The following TOP2A variants were observed in gnomAD, a reference collection of about 807,000 sequenced individuals.
TOP2A encodes DNA topoisomerase II alpha, also known as DNA topoisomerase 2-alpha.
Under a neutral mutation model 187.2 loss-of-function variants are expected in TOP2A, and 68 were observed. That is an observed-to-expected ratio of 0.36 (90% CI 0.30 to 0.44). The LOEUF is 0.44. Ranked by LOEUF, TOP2A falls within the 20% of genes least tolerant of loss-of-function variation. The probability of loss-of-function intolerance (pLI) is 1.00; values close to 1 mark genes in which losing one functional copy is unlikely to be tolerated. For synonymous variants in TOP2A, 542 were observed against 593.2 expected, an observed-to-expected ratio of 0.91 and a Z score of 1.25; for missense variants, 1,196 against 1,808.7, an observed-to-expected ratio of 0.66 and a Z score of 6.14.
chr17:40,399,400 G>A, intron 24 of TOP2A: 1 of 416,270 alleles, frequency 2.4e-6, no homozygotes, highest in Non-Finnish European at 4.3e-6. Context: ...GAGTGCAGTG[G>A]CACTACCTAG....
chr17:40,396,051 C>T (rs909145421), intron 28 of TOP2A, among the ~76,000 whole-genome samples: 1 of 149,846 alleles, frequency 6.7e-6, no homozygotes, highest in Non-Finnish European at 1.5e-5. Context: ...GTGACCTTGG[C>T]TCACTGCAAC....
At position 40,411,015 on chromosome 17, in the gene TOP2A, C is replaced by A; in HGVS notation, c.1203+94G>T. The A allele has an allele frequency of 1.6e-6, 2 of 1,284,716 alleles. No homozygotes were observed. Among genetic ancestry groups the A allele is most frequent in the Non-Finnish European group, 1.0e-6 (1 of 960,488 alleles). The allele number at this position is 1,284,716 out of a possible 1,614,324, so 79.6% of individuals were successfully genotyped here. On this transcript the variant is annotated intron_variant, in intron 10 of 34. Transcript: ENST00000423485. This position sits in a 1 kb window ranked among gnomAD's most constrained non-coding sequence, Gnocchi z 4.4. The stretch of plus-strand genomic sequence containing the variant: ...CAGATTGGGAAGACTTGGAGAAGCT[C>A]ACTATGAGAAGAATCATTGTTTCTG...
intron 10 of TOP2A, chr17:40,409,742 T>C (rs1355200138): frequency 7.0e-5 from 13 of 186,162 alleles, no homozygotes; most frequent in African/African-American, 7.5e-5. Context: ...ATTACGTCAC[T>C]GCACTGTAGC....
At chr17:40,405,214 G>T (rs1359873894) in intron 16 of TOP2A, among the ~76,000 whole-genome samples, 1 of 149,418 alleles carries the variant, frequency 6.7e-6, no homozygotes, top group Non-Finnish European at 1.5e-5. Context: ...GTGATGGCAC[G>T]ATTTCGGCTC....
At chr17:40,409,148 C>G (rs371770766) in intron 10 of TOP2A, 1 of 300,558 alleles carries the variant, frequency 3.3e-6, no homozygotes, top group Admixed American at 4.9e-5. Context: ...GAGCCAAGAT[C>G]GCACCATTGC....
At chr17:40,395,863 G>A (rs1192065734) in intron 28 of TOP2A, among the ~76,000 whole-genome samples, 2 of 151,934 alleles carry the variant, frequency 1.3e-5, no homozygotes, top group Admixed American at 6.6e-5. Flanking sequence ...ACTCCAGCCT[G>A]GGTAACACAG....
rs975348219 is a variant in TOP2A, at chr17:40,417,667, T to A, written c.21+104A>T. The A allele has an allele frequency of 1.9e-6, 3 of 1,575,630 alleles. No individual in the cohort carries two copies. The South Asian group carries it at 3.4e-5, about 18-fold the overall frequency. On this transcript the variant is annotated intron_variant, in intron 1 of 34. Transcript: ENST00000423485. ...TGGAGAATATGGGCTCCCAAGCCGG[T>A]CGCCGGCCTGACCGCAGCCCCAGAG...
chr17:40,406,538 G>C (rs776283434), intron 15 of TOP2A, 45 bp from the exon 16 acceptor site: 20 of 1,605,298 alleles, frequency 1.2e-5, no homozygotes, highest in Non-Finnish European at 8.5e-7. Flanking sequence ...GTCTTGTACA[G>C]GGTGTATAAT....
At position 40,413,609 on chromosome 17, in the gene TOP2A, T is replaced by G. The variant is rs1414741244; in HGVS notation, c.349A>C (p.Ser117Arg). 1.4e-6 allele frequency: 2 copies of G among 1,388,086 alleles called. No individual in the cohort carries two copies. The highest frequency in any genetic ancestry group is 2.9e-5 in the African/African-American group (2 of 68,442). 86.0% of individuals were successfully genotyped at this position (1,388,086 alleles called of 1,614,324 possible). ...VTIDPENNLISIWNNGKGIPV... is the reference protein window; with the variant it reads ...VTIDPENNLIRIWNNGKGIPV... ...ATACCTTTTCCATTATTCCATATAC[T>G]AATTAAATTGTTTTCCCTAAGAAAA... Residue 117 changes from serine to arginine, a missense_variant, in exon 5 of 35, where the codon AGT (serine) becomes CGT (arginine). Physicochemically the swap from Ser to Arg is moderately radical, Grantham distance 110. This residue lies in a region of TOP2A where 97 missense variants were observed against 171.0 expected (regional missense o/e 0.57). Transcript: ENST00000423485.
chr17:40,404,981 ACT>A, intron 16 of TOP2A, 98 bp from the exon 17 acceptor site: 1 of 724,708 alleles, frequency 1.4e-6, no homozygotes, highest in East Asian at 2.9e-5. Flanking sequence ...AAACAAAAAT[ACT>A]GTTTTCCTTT....
Position 40,402,919 on chromosome 17 carries a change from A to G in TOP2A, c.2419T>C (p.Phe807Leu), listed in dbSNP as rs2035199468. Reference sequence around the variant, plus strand: ...AAGCATACCTACCTGAGCATTGTAAAGATGTATCGTGGACTAGCAGAATCC... The same window carrying G: ...AAGCATACCTACCTGAGCATTGTAAGGATGTATCGTGGACTAGCAGAATCC... ...GKDSASPRYIFTMLSSLARLL... is the reference protein window; with the variant it reads ...GKDSASPRYILTMLSSLARLL... Residue 807 changes from phenylalanine (F) to leucine (L), a missense_variant, in exon 20 of 35, where the codon TTT becomes CTT. Around this residue, in one of 10 missense-constraint regions of TOP2A, gnomAD observed 209 missense variants for 376.9 expected, o/e 0.55. Coordinates refer to ENST00000423485, the MANE Select transcript of TOP2A (RefSeq NM_001067.4). 1.2e-6 allele frequency: 2 copies of G among 1,607,592 alleles called. No homozygotes were observed. The highest frequency in any genetic ancestry group is 4.5e-5 in the East Asian group (2 of 44,756).
At chr17:40,417,619 C>G in intron 1 of TOP2A, 152 bp downstream of exon 1, 1 of 1,497,918 alleles carries the variant, frequency 6.7e-7, no homozygotes, top group South Asian at 1.3e-5. Context: ...TCCGCCTCTC[C>G]ACGATCACCC....
rs1331818362 is a variant in TOP2A at position 40,411,750 on chromosome 17, C to A, written c.858G>T (p.Leu286Phe). The change falls in exon 8 of 35, where the codon TTG becomes TTT. Residue 286 changes from leucine to phenylalanine, a missense_variant. Transcript: ENST00000423485. This position sits in a 1 kb window ranked among gnomAD's most constrained non-coding sequence, Gnocchi z 4.4. ...GGTTTACTTGTTCATGTATTACTTT[C>A]AAGGAGTTACCAGTTTCATCCAACT... ...KDKLDETGNS[L>F]KVIHEQVNHR... 1 of 1,612,510 alleles carries A rather than the reference C, an allele frequency of 6.2e-7. No homozygotes were observed. Among genetic ancestry groups the A allele is most frequent in the African/African-American group, 1.3e-5 (1 of 74,974 alleles).
intron 33 of TOP2A, among the ~76,000 whole-genome samples, chr17:40,390,482 G>T (rs767571450): frequency 4.3e-4 from 63 of 147,424 alleles, no homozygotes; most frequent in Non-Finnish European, 7.4e-4. Context: ...GAGCAACCGC[G>T]CCTGACCTAG....
chr17:40,391,838 T>G, intron 32 of TOP2A, 198 bp from the exon 33 acceptor site: 1 of 790,562 alleles, frequency 1.3e-6, no homozygotes, highest in Non-Finnish European at 1.9e-6. Context: ...TTTGTATCTC[T>G]AGCACCTAGC....
Position 40,396,283 on chromosome 17 carries a change from C to T in TOP2A, c.3720G>A (p.Lys1240=). 2 of 1,541,698 alleles carry T rather than the reference C, an allele frequency of 1.3e-6. No individual in the cohort carries two copies. The highest frequency in any genetic ancestry group is 2.3e-5 in the East Asian group (1 of 43,868). The change falls in exon 28 of 35, where the codon AAG becomes AAA. Residue 1240 remains lysine (K), a splice_region_variant and synonymous_variant. Coordinates refer to ENST00000423485, the MANE Select transcript of TOP2A (RefSeq NM_001067.4). ...EAEKKNKKKI[K]NENTEGSPQE... ...GTGTGAGCCACCACAAGAGTATTAC[C>T]TTAATTTTCTTTTTATTTTTCTTTT...
chr17:40,416,632 C>G, intron 2 of TOP2A, 108 bp downstream of exon 2: 1 of 1,451,290 alleles, frequency 6.9e-7, no homozygotes, highest in South Asian at 1.2e-5. Flanking sequence ...CAGTGACACT[C>G]AGTACATGAG....
intron 30 of TOP2A, 29 bp from the exon 31 acceptor site, chr17:40,392,370 CAA>C (rs774537570): frequency 2.5e-6 from 4 of 1,569,010 alleles, no homozygotes; most frequent in South Asian, 1.2e-5. Flanking sequence ...ACAAAAAAAT[CAA>C]AGAGGGTAGT....
chr17:40,394,280 G>A (rs966573186), intron 29 of TOP2A, among the ~76,000 whole-genome samples: 2 of 152,050 alleles, frequency 1.3e-5, no homozygotes, highest in African/African-American at 4.8e-5. Context: ...TTTTCTTGGG[G>A]GGCAATAAAT....
Sources: gnomAD v4.1 joint callset for allele counts (sites outside exome capture counted in the v4.1 genomes callset) on GRCh38, gnomAD v4.1.1 for gene constraint, gnomAD v4.1.1 regional missense constraint, Gnocchi (gnomAD v3.1) non-coding constraint, MANE v1.5 for transcripts, NCBI Gene and HGNC (gene_info 2026-07-23, HGNC 2026-07-21) for gene names.